The following PPP6R3 variants were observed in gnomAD, a reference collection of about 807,000 sequenced individuals.
PPP6R3 encodes the protein protein phosphatase 6 regulatory subunit 3, also known as serine/threonine-protein phosphatase 6 regulatory subunit 3.
A neutral mutation model predicts 110.7 loss-of-function variants in PPP6R3; 38 were observed. The ratio of observed to expected loss-of-function variants is 0.34; its 90% CI spans 0.26 to 0.45. The LOEUF (loss-of-function observed/expected upper bound fraction) is 0.45. Ranked by LOEUF, PPP6R3 falls within the 20% of genes least tolerant of loss-of-function variation. The pLI is 1.00. For missense variants in PPP6R3, 870 were observed against 1,062.4 expected (o/e 0.82, Z 2.52); for synonymous variants, 369 against 373.5 (o/e 0.99, Z 0.14).
chr11:68,613,012 TG>T, intron 23 of PPP6R3, 53 bp from the exon 24 acceptor site: 1 of 1,613,802 alleles, frequency 6.2e-7, no homozygotes, highest in Non-Finnish European at 8.5e-7. Context: ...AAGTAGGTTT[TG>T]TTTTTCATAT....
intron 1 of PPP6R3, among the ~76,000 whole-genome samples, chr11:68,514,777 G>A (rs1231581490): frequency 6.6e-6 from 1 of 151,992 alleles, no homozygotes; most frequent in Non-Finnish European, 1.5e-5. Flanking sequence ...TAGAGACGGG[G>A]TTTCGCCATG....
chr11:68,575,432 T>A (rs936188680), intron 13 of PPP6R3, among the ~76,000 whole-genome samples: 2 of 152,194 alleles, frequency 1.3e-5, no homozygotes, highest in African/African-American at 4.8e-5. Flanking sequence ...AACATGATCT[T>A]AGAGCAATTT....
At chr11:68,478,052 C>T (rs1017753933) in intron 1 of PPP6R3, among the ~76,000 whole-genome samples, 7 of 151,578 alleles carry the variant, frequency 4.6e-5, no homozygotes, top group African/African-American at 7.3e-5. Context: ...CGGTTTCAAG[C>T]GATTGTCCTG....
intron 1 of PPP6R3, among the ~76,000 whole-genome samples, chr11:68,486,993 T>G (rs1265854457): frequency 1.3e-5 from 2 of 152,182 alleles, no homozygotes; most frequent in Non-Finnish European, 2.9e-5. Context: ...TCAGCCTGGC[T>G]AGAGTTGCGC....
intron 12 of PPP6R3, among the ~76,000 whole-genome samples, chr11:68,573,114 TTA>T (rs60848718): frequency 0.057 from 3,505 of 61,622 alleles, 107 homozygotes; most frequent in Admixed American, 0.081. Flanking sequence ...TTTACTTATT[TTA>T]TATATATATA....
intron 1 of PPP6R3, among the ~76,000 whole-genome samples, chr11:68,513,306 G>A (rs1411670499): frequency 2.0e-5 from 3 of 152,026 alleles, no homozygotes; most frequent in Non-Finnish European, 4.4e-5. Context: ...ATACAAATCT[G>A]GTATTGGGGA....
At chr11:68,478,896 T>C (rs984182106) in intron 1 of PPP6R3, among the ~76,000 whole-genome samples, 5 of 152,078 alleles carry the variant, frequency 3.3e-5, no homozygotes, top group Admixed American at 1.3e-4. Context: ...GACATCGTGA[T>C]CCACCTGCCT....
chr11:68,606,668 C>G (rs1164331099), intron 22 of PPP6R3, among the ~76,000 whole-genome samples: 1 of 152,074 alleles, frequency 6.6e-6, no homozygotes, highest in Non-Finnish European at 1.5e-5. Flanking sequence ...AATGCTACAG[C>G]AAAACTAACA....
intron 23 of PPP6R3, chr11:68,612,834 G>T: frequency 1.3e-6 from 1 of 764,520 alleles, no homozygotes; most frequent in Non-Finnish European, 2.0e-6. Context: ...CATTTGCTCT[G>T]CTGCTGCCCT....
intron 1 of PPP6R3, among the ~76,000 whole-genome samples, chr11:68,475,988 C>T (rs1236490533): frequency 1.0e-4 from 15 of 150,268 alleles, no homozygotes; most frequent in Non-Finnish European, 1.0e-4. Flanking sequence ...ACTGGGCAGC[C>T]GGGCAGAGGG....
At chr11:68,612,844 TTGC>T (rs1219650079) in intron 23 of PPP6R3, 7 of 861,742 alleles carry the variant, frequency 8.1e-6, no homozygotes, top group Non-Finnish European at 1.2e-5. Context: ...GCTGCTGCCC[TTGC>T]TGAATGCCTG....
chr11:68,532,325 A>C (rs754826886), intron 2 of PPP6R3, among the ~76,000 whole-genome samples: 3 of 152,186 alleles, frequency 2.0e-5, no homozygotes, highest in Admixed American at 1.3e-4. Context: ...GTCTTACGTT[A>C]CAGGAAGGTG....
intron 2 of PPP6R3, among the ~76,000 whole-genome samples, chr11:68,528,168 T>C (rs1241509368): frequency 6.6e-6 from 1 of 152,206 alleles, no homozygotes; most frequent in African/African-American, 2.4e-5. Context: ...AATACTTTAA[T>C]ACCTGTTGAT....
intron 1 of PPP6R3, among the ~76,000 whole-genome samples, chr11:68,463,300 C>T (rs1006540743): frequency 1.6e-5 from 2 of 128,662 alleles, no homozygotes; most frequent in African/African-American, 5.9e-5. Context: ...ACCTGGGAGG[C>T]GGAGGTTGCA....
At chr11:68,513,499 A>AT (rs2099121013) in intron 1 of PPP6R3, among the ~76,000 whole-genome samples, 1 of 152,236 alleles carries the variant, frequency 6.6e-6, no homozygotes, top group African/African-American at 2.4e-5. Flanking sequence ...ACAGCTGGAC[A>AT]TAACAGACTT....
At chr11:68,593,104 C>T (rs529820181) in intron 18 of PPP6R3, among the ~76,000 whole-genome samples, 5 of 152,246 alleles carry the variant, frequency 3.3e-5, no homozygotes, top group African/African-American at 7.2e-5. Flanking sequence ...TATATACATC[C>T]GTGAAACCAT....
At chr11:68,521,932 C>G (rs1471550644) in intron 2 of PPP6R3, among the ~76,000 whole-genome samples, 1 of 152,138 alleles carries the variant, frequency 6.6e-6, no homozygotes, top group Non-Finnish European at 1.5e-5. Context: ...TGCAAAGGTA[C>G]ATGTAATCTA....
At position 68,614,560 on chromosome 11, in the gene PPP6R3, A is replaced by T. The variant is rs1245800452; in HGVS notation, c.*1443A>T. 1.3e-6 allele frequency: 2 copies of T among 1,499,438 alleles called. No homozygotes were observed. The highest frequency in any genetic ancestry group is 1.8e-6 in the Non-Finnish European group (2 of 1,135,016). The allele number at this position is 1,499,438 out of a possible 1,614,324, so 92.9% of individuals were successfully genotyped here. ...ATCCCAAGCAGCGTGCCTAAACATTACATTGCATATGGAAATAAAAGAATC... is the reference window on the plus strand; with the variant it reads ...ATCCCAAGCAGCGTGCCTAAACATTTCATTGCATATGGAAATAAAAGAATC... On this transcript the variant is annotated 3_prime_UTR_variant, in exon 24 of 24. Transcript: ENST00000393800.
At chr11:68,518,798 T>C (rs1377529091) in intron 1 of PPP6R3, among the ~76,000 whole-genome samples, 1 of 152,210 alleles carries the variant, frequency 6.6e-6, no homozygotes, top group African/African-American at 2.4e-5. Flanking sequence ...AGGCATTAGA[T>C]GAACAGCATT....
Sources: allele counts gnomAD v4.1 joint callset (sites outside exome capture counted in the v4.1 genomes callset), GRCh38; gene constraint gnomAD v4.1.1; transcripts MANE v1.5; gene names NCBI Gene and HGNC (gene_info 2026-07-23, HGNC 2026-07-21).